NR6A1: variants seen among roughly 807,000 people sequenced by gnomAD.
NR6A1 encodes the protein nuclear receptor subfamily 6 group A member 1.
A neutral mutation model predicts 59.1 loss-of-function variants in NR6A1; 7 were observed. That is an observed-to-expected ratio of 0.12 (90% confidence interval 0.07 to 0.22). The LOEUF is 0.22. Ranked by LOEUF, NR6A1 falls within the 10% of genes least tolerant of loss-of-function variation. NR6A1 has a pLI of 1.00. For missense variants in NR6A1, 468 were observed against 611.6 expected, an observed-to-expected ratio of 0.77 and a Z score of 2.48; for synonymous variants, 243 against 236.1, an observed-to-expected ratio of 1.03 and a Z score of -0.27.
chr9:124,683,829 C>T (rs1325001763), intron 2 of NR6A1, among the ~76,000 whole-genome samples: 4 of 152,190 alleles, frequency 2.6e-5, no homozygotes, highest in African/African-American at 9.6e-5. Context: ...CAATTACTCA[C>T]TAACCTTCAT....
intron 1 of NR6A1, among the ~76,000 whole-genome samples, chr9:124,759,905 T>A (rs1446702526): frequency 6.6e-6 from 1 of 151,778 alleles, no homozygotes; most frequent in Admixed American, 6.6e-5. Context: ...CTGGGTGCGA[T>A]GGTGGGCACC....
At chr9:124,628,190 G>A (rs1473699926) in intron 2 of NR6A1, among the ~76,000 whole-genome samples, 3 of 152,036 alleles carry the variant, frequency 2.0e-5, no homozygotes, top group African/African-American at 4.8e-5. Context: ...ACCACACCCA[G>A]GTAATTTTTG....
In NR6A1 at chr9:124,751,044, G is replaced by T. The variant is rs960451375; in HGVS notation, c.101-17695C>A. On this transcript the variant is annotated intron_variant, in intron 1 of 9. Transcript: ENST00000487099. ...GTCTGAGTCCCATCTCTCCCACTTAGGGGGCCAAGTCACTTAAGTTGTTCC... is the reference window on the plus strand; with the variant it reads ...GTCTGAGTCCCATCTCTCCCACTTATGGGGCCAAGTCACTTAAGTTGTTCC... Among the ~76,000 whole-genome samples the T allele has an allele frequency of 9.0e-5, 10 of 110,588 alleles. 2 individuals carry two copies. The highest frequency in any genetic ancestry group is 2.1e-4 in the Admixed American group (2 of 9,666). 72.6% of individuals were successfully genotyped at this position (110,588 alleles called of 152,430 possible).
intron 2 of NR6A1, among the ~76,000 whole-genome samples, chr9:124,571,461 G>C (rs1834435130): frequency 6.6e-6 from 1 of 152,210 alleles, no homozygotes; most frequent in Non-Finnish European, 1.5e-5. Flanking sequence ...TTTTCTTTGA[G>C]AGCAGCCACT....
chr9:124,657,741 T>TCC lies in NR6A1; in HGVS notation c.142+75565_142+75566dup, dbSNP rs145154858. On this transcript the variant is annotated intron_variant, in intron 2 of 9. Coordinates refer to ENST00000487099, the MANE Select transcript of NR6A1 (RefSeq NM_033334.4). ...CAGTAGGGTCCATGCTTTCATAGCTTCCCCCCCCCAGCAACCCCTAATGTG... is the reference window on the plus strand; with the variant it reads ...CAGTAGGGTCCATGCTTTCATAGCTTCCCCCCCCCCCAGCAACCCCTAATGTG... Among the ~76,000 whole-genome samples, 438 of 149,718 alleles carry TCC rather than the reference T, an allele frequency of 2.9e-3. 3 individuals are homozygous for TCC. The highest frequency in any genetic ancestry group is 0.01 in the African/African-American group (419 of 40,546).
chr9:124,617,407 A>G (rs1191297994), intron 2 of NR6A1, among the ~76,000 whole-genome samples: 1 of 152,234 alleles, frequency 6.6e-6, no homozygotes, highest in Admixed American at 6.5e-5. Flanking sequence ...GCTGTAAGCC[A>G]GTCAACTGAA....
chr9:124,700,004 G>C (rs1838885624), intron 2 of NR6A1, among the ~76,000 whole-genome samples: 1 of 151,906 alleles, frequency 6.6e-6, no homozygotes, highest in Non-Finnish European at 1.5e-5. Flanking sequence ...TTACAGGCAT[G>C]CGCCACCACA....
chr9:124,765,581 T>C (rs1466395115), intron 1 of NR6A1, among the ~76,000 whole-genome samples: 1 of 152,170 alleles, frequency 6.6e-6, no homozygotes, highest in African/African-American at 2.4e-5. Flanking sequence ...TGACAACCAC[T>C]GTAGCTTGGG....
chr9:124,678,263 T>A (rs1838023272), intron 2 of NR6A1, among the ~76,000 whole-genome samples: 1 of 152,192 alleles, frequency 6.6e-6, no homozygotes, highest in South Asian at 2.1e-4. Flanking sequence ...TTAGCCCCAG[T>A]ATATACATAC....
At chr9:124,590,883 T>C (rs1235474717) in intron 2 of NR6A1, among the ~76,000 whole-genome samples, 1 of 152,204 alleles carries the variant, frequency 6.6e-6, no homozygotes, top group Non-Finnish European at 1.5e-5. Flanking sequence ...TGATTTAACA[T>C]CTCTGTTACC....
chr9:124,696,454 T>C (rs1240520882), intron 2 of NR6A1, among the ~76,000 whole-genome samples: 1 of 151,500 alleles, frequency 6.6e-6, no homozygotes, highest in Non-Finnish European at 1.5e-5. Flanking sequence ...TATTTCAAGA[T>C]ACTTAAAATG....
At chr9:124,573,674 T>C (rs772434362) in intron 2 of NR6A1, among the ~76,000 whole-genome samples, 3 of 152,236 alleles carry the variant, frequency 2.0e-5, no homozygotes, top group Non-Finnish European at 2.9e-5. Flanking sequence ...GCCGCTACAT[T>C]GTAATAGTGA....
intron 2 of NR6A1, among the ~76,000 whole-genome samples, chr9:124,716,748 C>T (rs1276386770): frequency 1.3e-5 from 2 of 152,184 alleles, no homozygotes; most frequent in Non-Finnish European, 2.9e-5. Flanking sequence ...TCTTGTGCCA[C>T]AGCCTCCTGA....
Position 124,518,889 on chromosome 9 carries a change from G to A in NR6A1, c.*3816C>T, listed in dbSNP as rs937144958. On this transcript the variant is annotated 3_prime_UTR_variant, in exon 10 of 10. Transcript: ENST00000487099. ...AACAAGGAAAAAAGATACACACCAGGGGCCCAGAGAGGAGGGCCTGGAACC... is the reference window on the plus strand; with the variant it reads ...AACAAGGAAAAAAGATACACACCAGAGGCCCAGAGAGGAGGGCCTGGAACC... The A allele has an allele frequency of 6.6e-6, 1 of 151,988 alleles. No homozygotes were observed. The highest frequency in any genetic ancestry group is 1.5e-5 in the Non-Finnish European group (1 of 68,010). 9.4% of individuals were successfully genotyped at this position (151,988 alleles called of 1,614,324 possible).
intron 3 of NR6A1, among the ~76,000 whole-genome samples, chr9:124,549,144 T>G (rs1463755481): frequency 6.6e-6 from 1 of 152,196 alleles, no homozygotes; most frequent in Non-Finnish European, 1.5e-5. Flanking sequence ...AGGAGGGTTA[T>G]CTGGTGGGGG....
intron 2 of NR6A1, among the ~76,000 whole-genome samples, chr9:124,720,852 A>G (rs1353486626): frequency 6.6e-6 from 1 of 152,214 alleles, no homozygotes; most frequent in Non-Finnish European, 1.5e-5. Context: ...TCCCCCCACT[A>G]CTGATACGTT....
chr9:124,758,454 A>C (rs1457781975), intron 1 of NR6A1, among the ~76,000 whole-genome samples: 1 of 152,226 alleles, frequency 6.6e-6, no homozygotes, highest in Admixed American at 6.5e-5. Context: ...TAAATATCCC[A>C]TTACAAGGAA....
chr9:124,626,870 T>C (rs1014867612), intron 2 of NR6A1, among the ~76,000 whole-genome samples: 4 of 151,544 alleles, frequency 2.6e-5, no homozygotes, highest in Non-Finnish European at 5.9e-5. Context: ...GGAGGTGGAG[T>C]TTGCAGTGAG....
intron 1 of NR6A1, among the ~76,000 whole-genome samples, chr9:124,739,656 T>A (rs1416073330): frequency 2.0e-5 from 3 of 152,218 alleles, no homozygotes; most frequent in Non-Finnish European, 4.4e-5. Context: ...TGATCACTGA[T>A]TCCTCAAATT....
Sources: gnomAD v4.1 joint callset for allele counts (sites outside exome capture counted in the v4.1 genomes callset) on GRCh38, gnomAD v4.1.1 for gene constraint, MANE v1.5 for transcripts, NCBI Gene and HGNC (gene_info 2026-07-23, HGNC 2026-07-21) for gene names.